The following PIERCE1 variants were observed in gnomAD, a reference collection of about 807,000 sequenced individuals.
The protein encoded by PIERCE1 is piercer of microtubule wall 1 protein.
At chr9:135,497,385 G>A in the PIERCE1 span, among the ~76,000 whole-genome samples, 747 of 142,820 alleles carry the variant, frequency 5.2e-3, 9 homozygotes, top group African/African-American at 0.019. Flanking sequence ...TAGTGAGTGT[G>A]CTGGGTTTTT....
At chr9:135,495,469 GA>G in the PIERCE1 span, 4 of 1,613,966 alleles carry the variant, frequency 2.5e-6, no homozygotes, top group African/African-American at 4.0e-5. Context: ...AACTGGGGTG[GA>G]AGTTGAGCCG....
At chr9:135,499,542 G>C in the PIERCE1 span, 4 of 942,288 alleles carry the variant, frequency 4.2e-6, no homozygotes, top group Middle Eastern at 2.1e-4. Context: ...TGAGGCTCTA[G>C]GGAGCACGGT....
the PIERCE1 span, chr9:135,499,579 C>G: frequency 7.9e-7 from 1 of 1,266,646 alleles, no homozygotes; most frequent in South Asian, 1.3e-5. Context: ...GCGATGACAG[C>G]GCGGGCCCCG....
chr9:135,499,627 C>T, the PIERCE1 span: 3 of 1,524,112 alleles, frequency 2.0e-6, no homozygotes, highest in African/African-American at 1.4e-5. Context: ...GTAGCTAGGA[C>T]CTTGGGGGTC....
At chr9:135,499,620 G>A in the PIERCE1 span, 1 of 1,499,998 alleles carries the variant, frequency 6.7e-7, no homozygotes. Flanking sequence ...GATTTCTGTA[G>A]CTAGGACCTT....
chr9:135,497,031 A>C, the PIERCE1 span, among the ~76,000 whole-genome samples: 2 of 152,224 alleles, frequency 1.3e-5, no homozygotes, highest in Non-Finnish European at 2.9e-5. Flanking sequence ...TCCTGACCTC[A>C]GGTGATCCAC....
chr9:135,497,882 C>T, the PIERCE1 span, among the ~76,000 whole-genome samples: 2 of 152,200 alleles, frequency 1.3e-5, no homozygotes, highest in African/African-American at 4.8e-5. Flanking sequence ...AAGCACTCAC[C>T]AGACCTTTTC....
the PIERCE1 span, chr9:135,498,680 ACT>A: frequency 1.5e-5 from 24 of 1,607,504 alleles, no homozygotes; most frequent in East Asian, 8.9e-5. This position sits in a 1 kb window ranked among gnomAD's most constrained non-coding sequence, Gnocchi z 4.1. Flanking sequence ...GATGAGAAAC[ACT>A]CTATTTTCAT....
At chr9:135,495,706 GAA>G in the PIERCE1 span, 1 of 1,240,160 alleles carries the variant, frequency 8.1e-7, no homozygotes, top group East Asian at 2.5e-5. Context: ...GAATTCATAA[GAA>G]AATGCAGAGA....
the PIERCE1 span, among the ~76,000 whole-genome samples, chr9:135,498,273 C>T: frequency 5.9e-5 from 9 of 151,922 alleles, no homozygotes; most frequent in South Asian, 2.1e-4. This position sits in a 1 kb window ranked among gnomAD's most constrained non-coding sequence, Gnocchi z 4.1. Context: ...GAGATGGTTG[C>T]GTGTGTGTGT....
chr9:135,495,332 G>A, the PIERCE1 span: 2 of 1,169,302 alleles, frequency 1.7e-6, no homozygotes. Context: ...AGCGCAGTCT[G>A]TGCCGTCACA....
At chr9:135,499,667 G>C in the PIERCE1 span, 1 of 1,601,276 alleles carries the variant, frequency 6.2e-7, no homozygotes, top group Non-Finnish European at 8.5e-7. Context: ...CGGGGCTATC[G>C]AGCAGTGGAC....
the PIERCE1 span, among the ~76,000 whole-genome samples, chr9:135,496,101 G>A: frequency 6.6e-6 from 1 of 152,172 alleles, no homozygotes; most frequent in African/African-American, 2.4e-5. Context: ...GATCGCCTCA[G>A]GTCAGGAGTT....
chr9:135,497,081 G>C, the PIERCE1 span, among the ~76,000 whole-genome samples: 1 of 152,232 alleles, frequency 6.6e-6, no homozygotes, highest in Non-Finnish European at 1.5e-5. Context: ...ACAGGCGTGA[G>C]CCACCACGCC....
At chr9:135,498,997 G>A in the PIERCE1 span, 5 of 311,354 alleles carry the variant, frequency 1.6e-5, no homozygotes, top group Non-Finnish European at 3.0e-5. This position sits in a 1 kb window ranked among gnomAD's most constrained non-coding sequence, Gnocchi z 4.1. Context: ...TAGCTTGTCA[G>A]GAGCGGAGGC....
the PIERCE1 span, chr9:135,495,689 AAAAT>A: frequency 7.4e-7 from 1 of 1,359,244 alleles, no homozygotes; most frequent in Non-Finnish European, 1.0e-6. Context: ...TTTTGAAAGA[AAAAT>A]AAGAATTCAT....
the PIERCE1 span, among the ~76,000 whole-genome samples, chr9:135,497,930 C>T: frequency 1.3e-5 from 2 of 152,250 alleles, no homozygotes; most frequent in Admixed American, 6.5e-5. Context: ...ACGTCCACAA[C>T]ATTCTCACCC....
chr9:135,495,269 C>A, the PIERCE1 span: 1 of 657,278 alleles, frequency 1.5e-6, no homozygotes, highest in Non-Finnish European at 2.6e-6. Context: ...GACTTCACGG[C>A]CCCGTTTGCA....
the PIERCE1 span, chr9:135,499,653 C>G: frequency 1.3e-6 from 2 of 1,590,958 alleles, no homozygotes; most frequent in Non-Finnish European, 1.7e-6. Flanking sequence ...GGGTCTCTCA[C>G]ACACGGGGCT....
Sources: gnomAD v4.1 joint callset for allele counts (sites outside exome capture counted in the v4.1 genomes callset) on GRCh38, gnomAD v4.1.1 for gene constraint, Gnocchi (gnomAD v3.1) non-coding constraint, MANE v1.5 for transcripts, NCBI Gene and HGNC (gene_info 2026-07-23, HGNC 2026-07-21) for gene names.